Variants in NRXN1 observed in about 807,000 individuals in gnomAD.
NRXN1 encodes neurexin-1.
In NRXN1, 39 loss-of-function variants were observed where a neutral mutation model predicts 150.9. That is an observed-to-expected ratio of 0.26 (90% CI 0.20 to 0.34). The LOEUF is 0.34. Among genes scored for constraint, NRXN1 ranks in the 10% least tolerant of loss-of-function variants. The pLI is 1.00. For missense variants in NRXN1, 1,815 were observed against 1,949.9 expected (o/e 0.93, Z 1.30); for synonymous variants, 924 against 757.0 (o/e 1.22, Z -3.62).
intron 22 of NRXN1, among the ~76,000 whole-genome samples, chr2:49,923,275 G>A (rs560008246): frequency 6.6e-6 from 1 of 152,140 alleles, no homozygotes; most frequent in Admixed American, 6.5e-5. Context: ...AAACTGTAGC[G>A]AGAGAAGAAG....
intron 1 of NRXN1, among the ~76,000 whole-genome samples, chr2:51,029,747 G>A (rs1289131879): frequency 7.2e-5 from 11 of 152,198 alleles, no homozygotes; most frequent in Non-Finnish European, 8.8e-5. Context: ...CACAAGTATA[G>A]TTCTCCTTTA....
In NRXN1 at chr2:50,922,536, T is replaced by C. The variant is rs370270430; in HGVS notation, c.820+122A>G. 2.2e-4 allele frequency: 196 copies of C among 885,996 alleles called. 2 individuals are homozygous for C. Among genetic ancestry groups the C allele is most frequent in the South Asian group, 2.2e-3 (153 of 70,446 alleles). The allele number at this position is 885,996 out of a possible 1,614,324, so 54.9% of individuals were successfully genotyped here. A position where few individuals can be genotyped will look rare whatever the true frequency, so the allele number is the denominator to read the frequency against. On this transcript the variant is annotated intron_variant, in intron 4 of 22. Transcript: ENST00000401669. ...CATGAAAAAATGTGAACAAAAGATA[T>C]GTATTTAATTTGCAGCCATATAATT...
rs79924217 is a variant in NRXN1, at chr2:50,515,867, A to C, written c.2375-9250T>G. ...TGCCTGAGTCATAGTTGCTGGCAGC[A>C]GTACTTCCTACCTACAAATGATGAG... On this transcript the variant is annotated intron_variant, in intron 12 of 22. Transcript: ENST00000401669. Among the ~76,000 whole-genome samples, 417 of 152,230 alleles carry C rather than the reference A, an allele frequency of 2.7e-3. 1 individual carries two copies. Among genetic ancestry groups the C allele is most frequent in the African/African-American group, 9.2e-3 (382 of 41,544 alleles).
intron 15 of NRXN1, among the ~76,000 whole-genome samples, chr2:50,485,077 C>T (rs894357389): frequency 6.6e-6 from 1 of 152,174 alleles, no homozygotes; most frequent in Non-Finnish European, 1.5e-5. Flanking sequence ...TCACTTAAGC[C>T]TTCCAAGTCT....
chr2:50,742,998 C>T (rs1699613511), intron 5 of NRXN1, among the ~76,000 whole-genome samples: 1 of 152,150 alleles, frequency 6.6e-6, no homozygotes, highest in African/African-American at 2.4e-5. Flanking sequence ...CTTGCTGTAG[C>T]ACATGTGAAA....
intron 8 of NRXN1, among the ~76,000 whole-genome samples, chr2:50,597,640 T>A (rs1675457925): frequency 6.6e-6 from 1 of 152,172 alleles, no homozygotes; most frequent in African/African-American, 2.4e-5. Context: ...TCATCTCTCT[T>A]CTGAGAACCT....
intron 5 of NRXN1, among the ~76,000 whole-genome samples, chr2:50,900,086 T>G (rs1010746296): frequency 6.6e-6 from 1 of 152,108 alleles, no homozygotes; most frequent in African/African-American, 2.4e-5. Context: ...TAGAGTAACA[T>G]GAATATTATC....
At chr2:49,977,837 T>C (rs1478855400) in intron 21 of NRXN1, among the ~76,000 whole-genome samples, 1 of 152,194 alleles carries the variant, frequency 6.6e-6, no homozygotes, top group African/African-American at 2.4e-5. Context: ...TTGAAGTCTT[T>C]ATTGCTCTGC....
intron 5 of NRXN1, among the ~76,000 whole-genome samples, chr2:50,836,730 C>G (rs540117762): frequency 2.0e-5 from 3 of 151,652 alleles, no homozygotes; most frequent in Admixed American, 1.3e-4. Context: ...TTGATGGACA[C>G]CCAGGTTGCT....
chr2:50,499,665 C>T (rs1302518230), intron 13 of NRXN1, among the ~76,000 whole-genome samples: 1 of 152,004 alleles, frequency 6.6e-6, no homozygotes, highest in African/African-American at 2.4e-5. Context: ...GCTTAAAAAT[C>T]GTCTAGATGC....
intron 17 of NRXN1, among the ~76,000 whole-genome samples, chr2:50,306,566 G>A (rs2074628273): frequency 6.6e-6 from 1 of 152,182 alleles, no homozygotes; most frequent in Non-Finnish European, 1.5e-5. Context: ...TTTGCAAGTA[G>A]GATTTGTTCT....
At chr2:50,838,299 G>A (rs1672383397) in intron 5 of NRXN1, among the ~76,000 whole-genome samples, 1 of 152,116 alleles carries the variant, frequency 6.6e-6, no homozygotes, top group Non-Finnish European at 1.5e-5. Flanking sequence ...CTCATTGCGT[G>A]TGGATGAAAG....
intron 19 of NRXN1, among the ~76,000 whole-genome samples, chr2:50,075,041 C>T (rs1224240995): frequency 1.3e-5 from 2 of 152,068 alleles, no homozygotes; most frequent in African/African-American, 4.8e-5. Flanking sequence ...ATTGCAAGGG[C>T]AAGAAATTGA....
At chr2:50,371,818 T>C (rs1017581108) in intron 17 of NRXN1, among the ~76,000 whole-genome samples, 13 of 151,988 alleles carry the variant, frequency 8.6e-5, no homozygotes, top group African/African-American at 2.9e-4. Context: ...TTAAAGGTCA[T>C]GTAATCCAAG....
At chr2:50,252,233 C>CTTTTTTTTTTTTTTTTTTTTTTT (rs55993018) in intron 17 of NRXN1, among the ~76,000 whole-genome samples, 11 of 94,914 alleles carry the variant, frequency 1.2e-4, no homozygotes, top group Admixed American at 1.5e-4. Context: ...ACATTTTGTC[C>CTTTTTTTTTTTTTTTTTTTTTTT]TTTTTTTTTT....
intron 18 of NRXN1, among the ~76,000 whole-genome samples, chr2:50,203,578 A>G (rs866753994): frequency 1.6e-4 from 25 of 152,150 alleles, no homozygotes; most frequent in African/African-American, 6.0e-4. Flanking sequence ...TCATACATAC[A>G]TTTCTATCTA....
chr2:50,928,898 G>A (rs1317309261), intron 2 of NRXN1, among the ~76,000 whole-genome samples: 1 of 151,918 alleles, frequency 6.6e-6, no homozygotes, highest in Non-Finnish European at 1.5e-5. Flanking sequence ...CGATGACCAC[G>A]CCACCTATAA....
chr2:50,632,878 A>G (rs576714933), intron 5 of NRXN1: 46 of 152,010 alleles, frequency 3.0e-4, no homozygotes, highest in African/African-American at 9.9e-4. Context: ...TCTATTTAAT[A>G]TGTACTCCAG....
chr2:50,197,944 A>C (rs751991877), intron 18 of NRXN1, among the ~76,000 whole-genome samples: 2 of 152,178 alleles, frequency 1.3e-5, no homozygotes, highest in Non-Finnish European at 2.9e-5. Flanking sequence ...CAACAGAAAA[A>C]GAAATTCCAG....
Sources: gnomAD v4.1 joint callset for allele counts (sites outside exome capture counted in the v4.1 genomes callset) on GRCh38, gnomAD v4.1.1 for gene constraint, MANE v1.5 for transcripts, NCBI Gene and HGNC (gene_info 2026-07-23, HGNC 2026-07-21) for gene names.